AATK: variants seen among roughly 807,000 people sequenced by gnomAD.
AATK encodes the protein lemur tail kinase 1.
In AATK, 91 loss-of-function variants were observed where a neutral mutation model predicts 114.3. The ratio of observed to expected loss-of-function variants is 0.80; its 90% CI spans 0.67 to 0.95. The LOEUF is 0.95. AATK is among the 40% of genes least tolerant of loss of function. The pLI, the probability that AATK is intolerant of heterozygous loss-of-function variation, is 0.00. For synonymous variants in AATK, 1,075 were observed against 916.5 expected, an observed-to-expected ratio of 1.17 and a Z score of -3.12; for missense variants, 2,176 against 1,965.2, an observed-to-expected ratio of 1.11 and a Z score of -2.03.
In AATK at chr17:81,122,365, G is replaced by C. The variant is rs1255374717; in HGVS notation, c.1571C>G (p.Pro524Arg). The C allele has an allele frequency of 3.3e-6, 5 of 1,507,160 alleles. No individual in the cohort carries two copies. The highest frequency in any genetic ancestry group is 5.3e-5 in the East Asian group (2 of 37,474). The allele number at this position is 1,507,160 out of a possible 1,614,324, so 93.4% of individuals were successfully genotyped here. Residue 524 changes from proline to arginine, a missense_variant, in exon 11 of 14, where the codon CCG (proline) becomes CGG (arginine). Physicochemically the swap from Pro to Arg is moderately radical, Grantham distance 103 (BLOSUM62 -2). This residue lies in a region of AATK where 1,701 missense variants were observed against 1,394.7 expected (regional missense o/e 1.22). Coordinates refer to ENST00000326724, the MANE Select transcript of AATK (RefSeq NM_001080395.3). ...GVVPVLSAHS[P>R]SLGSEYFIRL... The stretch of plus-strand genomic sequence containing the variant: ...GATGAAGTACTCGCTGCCCAGCGAC[G>C]GGCTGTGCGCGCTGAGCACCGGAAC...
intron 1 of AATK, among the ~76,000 whole-genome samples, chr17:81,153,254 C>A (rs544713658): frequency 1.3e-5 from 2 of 152,222 alleles, no homozygotes; most frequent in East Asian, 3.9e-4. Context: ...AAGTACAGCA[C>A]CTTATCAACA....
intron 1 of AATK, among the ~76,000 whole-genome samples, chr17:81,144,963 TG>T (rs2061194645): frequency 6.6e-6 from 1 of 152,294 alleles, no homozygotes; most frequent in South Asian, 2.1e-4. Flanking sequence ...CCGGGCGCGG[TG>T]GCTCACGCCT....
intron 2 of AATK, among the ~76,000 whole-genome samples, 180 bp from the exon 3 acceptor site, chr17:81,131,385 C>T (rs1211800755): frequency 2.6e-5 from 4 of 152,328 alleles, no homozygotes; most frequent in Admixed American, 1.3e-4. Context: ...TGCTAACTGC[C>T]CTTCCATCTG....
At chr17:81,143,670 A>T (rs1410814091) in intron 1 of AATK, among the ~76,000 whole-genome samples, 1 of 152,124 alleles carries the variant, frequency 6.6e-6, no homozygotes, top group African/African-American at 2.4e-5. Flanking sequence ...ACAGTTAGCA[A>T]TCCCCACCCC....
At chr17:81,148,064 CAAAAAAAAAA>C (rs35731140) in intron 1 of AATK, among the ~76,000 whole-genome samples, 12 of 101,826 alleles carry the variant, frequency 1.2e-4, no homozygotes, top group African/African-American at 3.5e-4. Context: ...ACAACTTTGT[CAAAAAAAAAA>C]AAAAAAAAAA....
chr17:81,127,693 C>T (rs748173246), intron 5 of AATK, 23 bp from the exon 6 acceptor site: 2 of 1,564,356 alleles, frequency 1.3e-6, no homozygotes, highest in South Asian at 1.2e-5. Flanking sequence ...ACAGGCGGCC[C>T]CTGACTTGGG....
chr17:81,152,314 G>A (rs912661092), intron 1 of AATK, among the ~76,000 whole-genome samples: 16 of 152,124 alleles, frequency 1.1e-4, no homozygotes, highest in African/African-American at 3.1e-4. Context: ...GGCCGGGAGT[G>A]GTGGCTCACA....
intron 1 of AATK, among the ~76,000 whole-genome samples, chr17:81,159,834 C>T (rs553864168): frequency 6.6e-6 from 1 of 152,136 alleles, no homozygotes; most frequent in Non-Finnish European, 1.5e-5. Context: ...CCCTGCCCCC[C>T]AGCCTGGCTC....
In AATK at chr17:81,127,587, G is replaced by A. The variant is rs1168585214; in HGVS notation, c.617C>T (p.Pro206Leu). Residue 206 changes from proline to leucine, a missense_variant, in exon 6 of 14, where the codon CCA becomes CTA. By Grantham distance (98) the Pro-to-Leu change is moderately conservative (BLOSUM62 -3). Coordinates refer to ENST00000326724, the MANE Select transcript of AATK (RefSeq NM_001080395.3). ...TPYLLVMEFC[P>L]LGDLKGYLRS... is the part of the protein sequence containing the mutation. ...TCCCCCCGGGCAGCAGCTCACCAGT[G>A]GGCAGAACTCCATCACCAGCAGGTA... The A allele has an allele frequency of 6.3e-7, 1 of 1,597,490 alleles. No individual in the cohort carries two copies. The highest frequency in any genetic ancestry group is 8.5e-7 in the Non-Finnish European group (1 of 1,172,688).
intron 1 of AATK, among the ~76,000 whole-genome samples, chr17:81,137,362 T>G (rs553363965): frequency 6.6e-6 from 1 of 152,080 alleles, no homozygotes; most frequent in East Asian, 1.9e-4. Context: ...CGCCCAGCCC[T>G]GTCCTCGTGG....
chr17:81,160,670 G>C (rs1165851837), intron 1 of AATK, among the ~76,000 whole-genome samples: 1 of 152,226 alleles, frequency 6.6e-6, no homozygotes, highest in Non-Finnish European at 1.5e-5. Flanking sequence ...GGACAGGACC[G>C]CAGGCCGAGG....
chr17:81,122,525 T>C lies in AATK; in HGVS notation c.1411A>G (p.Thr471Ala). ...DGDDVLTVTE[T>A]SRGLNFEYKW... is the part of the protein sequence containing the mutation. ...TACTCAAAATTGAGGCCTCGGCTGG[T>C]CTCGGTCACCGTCAGCACGTCGTCG... Residue 471 changes from threonine (T) to alanine (A), a missense_variant, in exon 11 of 14, where the codon ACC becomes GCC. Thr to Ala is a moderately conservative substitution (Grantham distance 58, BLOSUM62 0). Transcript: ENST00000326724. 1.4e-6 allele frequency: 2 copies of C among 1,481,034 alleles called. No homozygotes were observed. The highest frequency in any genetic ancestry group is 5.8e-5 in the East Asian group (2 of 34,602). The allele number at this position is 1,481,034 out of a possible 1,614,324, so 91.7% of individuals were successfully genotyped here.
chr17:81,156,655 C>A (rs1472543074), intron 1 of AATK, among the ~76,000 whole-genome samples: 3 of 152,208 alleles, frequency 2.0e-5, no homozygotes, highest in Non-Finnish European at 4.4e-5. Flanking sequence ...CCTTGGCCTC[C>A]CAAAGTGCTG....
At chr17:81,127,982 C>T in intron 4 of AATK, 72 bp from the exon 5 acceptor site, 1 of 1,521,370 alleles carries the variant, frequency 6.6e-7, no homozygotes, top group Middle Eastern at 2.3e-4. Context: ...TTACTCTTCT[C>T]CCACCCGCCC....
rs201255728 is a variant in AATK, at chr17:81,119,411, G to A, written c.4053C>T (p.His1351=). The A allele has an allele frequency of 1.9e-3, 2,878 of 1,547,578 alleles. 2 individuals carry two copies. Among genetic ancestry groups the A allele is most frequent in the Non-Finnish European group, 2.3e-3 (2,650 of 1,153,890 alleles). The change falls in exon 13 of 14, where the codon CAC becomes CAT. Residue 1351 remains histidine, a synonymous_variant. Coordinates refer to ENST00000326724, the MANE Select transcript of AATK (RefSeq NM_001080395.3). ...TGGACTCGGCGTCCGAGTCAGACAC[G>A]TGCGTGATGGAGAAGCGGGACGTGG... The part of the protein sequence containing the change: ...PAPTSRFSIT[H]VSDSDAESKR...
chr17:81,161,483 C>T (rs2061429088), intron 1 of AATK, among the ~76,000 whole-genome samples: 1 of 152,184 alleles, frequency 6.6e-6, no homozygotes, highest in Admixed American at 6.5e-5. Context: ...ACTGGGCGGG[C>T]ATGGGTTTGG....
intron 1 of AATK, among the ~76,000 whole-genome samples, chr17:81,155,089 T>C (rs1415619948): frequency 6.6e-6 from 1 of 152,220 alleles, no homozygotes; most frequent in Non-Finnish European, 1.5e-5. Flanking sequence ...ACTCCACGGA[T>C]GTGCATCACC....
In AATK at chr17:81,120,393, C is replaced by T. The variant is rs1265327327; in HGVS notation, c.3543G>A (p.Gln1181=). ...CCTCTTCGCTGTCCTCGCTAGGCTC[C>T]TGGACGCTGTAGCAGCGGAGCTCCT... is the stretch of plus-strand genomic sequence containing the variant. The part of the protein sequence containing the change: ...SDEELRCYSV[Q]EPSEDSEEEA... Residue 1181 remains glutamine, a synonymous_variant, in exon 11 of 14, where the codon CAG becomes CAA. Transcript: ENST00000326724. 6.2e-7 allele frequency: 1 copy of T among 1,605,010 alleles called. No homozygotes were observed.
At chr17:81,151,727 A>C (rs1202846418) in intron 1 of AATK, among the ~76,000 whole-genome samples, 2 of 152,130 alleles carry the variant, frequency 1.3e-5, no homozygotes, top group Non-Finnish European at 2.9e-5. Context: ...AAAATCCCCA[A>C]AATCACAGTC....
Sources: gnomAD v4.1 joint callset for allele counts (sites outside exome capture counted in the v4.1 genomes callset) on GRCh38, gnomAD v4.1.1 for gene constraint, gnomAD v4.1.1 regional missense constraint, MANE v1.5 for transcripts, NCBI Gene and HGNC (gene_info 2026-07-23, HGNC 2026-07-21) for gene names.